MX1: variants seen among roughly 807,000 people sequenced by gnomAD.
MX1 encodes the protein MX dynamin like GTPase 1, also known as interferon-induced GTP-binding protein Mx1.
In MX1, 66 loss-of-function variants were observed where a neutral mutation model predicts 66.4. The observed-to-expected ratio is 0.99, with a 90% confidence interval of 0.82 to 1.22. The LOEUF (loss-of-function observed/expected upper bound fraction) is 1.22, where lower values mean the gene tolerates loss of function less well. Ranked by LOEUF, MX1 falls within the 50% of genes most tolerant of loss-of-function variation. MX1 has a pLI of 0.00. For missense variants in MX1, 787 were observed against 834.3 expected, an observed-to-expected ratio of 0.94 and a Z score of 0.70; for synonymous variants, 311 against 318.1, an observed-to-expected ratio of 0.98 and a Z score of 0.24.
At chr21:41,437,787 C>G (rs890101755) in intron 7 of MX1, among the ~76,000 whole-genome samples, 1 of 152,198 alleles carries the variant, frequency 6.6e-6, no homozygotes, top group Non-Finnish European at 1.5e-5. Flanking sequence ...TGAGGGAGCT[C>G]CTCCCCCTGT....
rs114687668 is a variant in MX1, at chr21:41,432,328, C to T, written c.105+153C>T. 4.5e-3 allele frequency among the ~76,000 whole-genome samples: 680 copies of T among 152,364 alleles called. 6 individuals are homozygous for T. Among genetic ancestry groups the T allele is most frequent in the African/African-American group, 0.015 (644 of 41,592 alleles). ...CAGATCCTGACCCTCTACTTGCCAG[C>T]TGACAACCATGTATAGACTCGTTGC... On this transcript the variant is annotated intron_variant, in intron 5 of 16. Transcript: ENST00000398598.
intron 6 of MX1, among the ~76,000 whole-genome samples, chr21:41,436,511 T>C (rs2090367328): frequency 6.6e-6 from 1 of 152,216 alleles, no homozygotes; most frequent in Admixed American, 6.5e-5. Flanking sequence ...AGTTCAGAAC[T>C]ATATCAGTGA....
chr21:41,454,770 C>A (rs138732578), intron 16 of MX1, among the ~76,000 whole-genome samples: 1 of 152,302 alleles, frequency 6.6e-6, no homozygotes, highest in African/African-American at 2.4e-5. Flanking sequence ...CTCGGTTTAT[C>A]AGATGTCCCC....
chr21:41,432,240 T>C, intron 5 of MX1, 65 bp downstream of exon 5: 2 of 1,454,212 alleles, frequency 1.4e-6, no homozygotes, highest in Non-Finnish European at 1.9e-6. Flanking sequence ...GGCTGCCCTT[T>C]TCTACAGCGG....
intron 12 of MX1, 89 bp from the exon 13 acceptor site, chr21:41,445,911 C>A: frequency 2.0e-6 from 3 of 1,515,136 alleles, no homozygotes; most frequent in Non-Finnish European, 1.8e-6. Flanking sequence ...GAATGACTCC[C>A]CACCCTCCAC....
At chr21:41,456,502 CATT>C (rs1438139410) in intron 16 of MX1, among the ~76,000 whole-genome samples, 10 of 152,148 alleles carry the variant, frequency 6.6e-5, no homozygotes, top group African/African-American at 7.2e-5. Context: ...CCATCCACAT[CATT>C]GAGAATGGTC....
At chr21:41,423,126 A>C (rs2090009782), upstream of MX1, 5 of 153,532 alleles carry the variant, frequency 3.3e-5, no homozygotes, top group Non-Finnish European at 7.2e-5. Flanking sequence ...ACATGCGGGA[A>C]CAATGGCGAG....
chr21:41,437,184 G>A (rs1417391752), intron 7 of MX1, 32 bp downstream of exon 7: 1 of 1,612,712 alleles, frequency 6.2e-7, no homozygotes, highest in African/African-American at 1.3e-5. Flanking sequence ...GCCTGGTCAA[G>A]CCTTCTGACA....
intron 16 of MX1, among the ~76,000 whole-genome samples, chr21:41,454,226 T>A (rs370504579): frequency 2.0e-5 from 3 of 152,236 alleles, no homozygotes; most frequent in Non-Finnish European, 4.4e-5. Flanking sequence ...CAATCTGTCT[T>A]GTGATGCTAT....
At chr21:41,433,407 C>T (rs929891206) in intron 5 of MX1, among the ~76,000 whole-genome samples, 3 of 152,170 alleles carry the variant, frequency 2.0e-5, no homozygotes, top group African/African-American at 2.4e-5. Context: ...ACCCTGTCTA[C>T]GTGCCTGTCA....
chr21:41,422,635 A>G (rs1471470271), upstream of MX1: 1 of 152,166 alleles, frequency 6.6e-6, no homozygotes, highest in Non-Finnish European at 1.5e-5. Flanking sequence ...AAGAGTGTGA[A>G]ACTTATCTGG....
In MX1 at chr21:41,458,964, A is replaced by C; in HGVS notation, c.*206A>C. On this transcript the variant is annotated 3_prime_UTR_variant, in exon 17 of 17. Coordinates refer to ENST00000398598, the MANE Select transcript of MX1 (RefSeq NM_002462.5). ...AGAGCCCCACCCTCAGATGCACATG[A>C]GCTGGCGGGATTGAAGGATGCTGTC... 1.1e-6 allele frequency: 1 copy of C among 870,120 alleles called. No individual in the cohort carries two copies. Among genetic ancestry groups the C allele is most frequent in the Non-Finnish European group, 1.7e-6 (1 of 588,650 alleles). The allele number at this position is 870,120 out of a possible 1,614,324, so 53.9% of individuals were successfully genotyped here. A position where few individuals can be genotyped will look rare whatever the true frequency, so the allele number is the denominator to read the frequency against.
Position 41,443,856 on chromosome 21 carries a change from C to T in MX1, c.998C>T (p.Thr333Ile). Residue 333 changes from threonine (T) to isoleucine (I), a missense_variant, in exon 11 of 17, where the codon ACA (threonine) becomes ATA (isoleucine). Physicochemically the swap from Thr to Ile is moderately conservative, Grantham distance 89. Transcript: ENST00000398598. ...GAAAAACTTACCAGCGAGCTCATCA[C>T]ACATATCTGTGTAAGCACGGGCAGA... The part of the protein sequence containing the change: ...LAEKLTSELI[T>I]HICKSLPLLE... 6.2e-7 allele frequency: 1 copy of T among 1,614,236 alleles called. No individual in the cohort carries two copies. The highest frequency in any genetic ancestry group is 2.2e-5 in the East Asian group (1 of 44,894).
At position 41,458,971 on chromosome 21, in the gene MX1, G is replaced by A. The variant is rs891019536; in HGVS notation, c.*213G>A. On this transcript the variant is annotated 3_prime_UTR_variant, in exon 17 of 17. Transcript: ENST00000398598. Reference sequence around the variant, plus strand: ...CACCCTCAGATGCACATGAGCTGGCGGGATTGAAGGATGCTGTCTTCGTAC... The same window carrying A: ...CACCCTCAGATGCACATGAGCTGGCAGGATTGAAGGATGCTGTCTTCGTAC... 18 of 818,176 alleles carry A rather than the reference G, an allele frequency of 2.2e-5. No homozygotes were observed. The highest frequency in any genetic ancestry group is 1.2e-4 in the South Asian group (6 of 50,048). 50.7% of individuals were successfully genotyped at this position (818,176 alleles called of 1,614,324 possible).
Position 41,441,825 on chromosome 21 carries a change from C to T in MX1, c.840C>T (p.Cys280=). ...HLKKGYMIVK[C]RGQQEIQDQL... ...AGAAGGGTTACATGATTGTCAAGTG[C>T]CGGGGCCAGCAGGAGATCCAGGACC... Residue 280 remains cysteine, a synonymous_variant, in exon 10 of 17, where the codon TGC becomes TGT. Coordinates refer to ENST00000398598, the MANE Select transcript of MX1 (RefSeq NM_002462.5). This position sits in a 1 kb window ranked among gnomAD's most constrained non-coding sequence, Gnocchi z 4.0. 1.2e-6 allele frequency: 2 copies of T among 1,614,152 alleles called. No homozygotes were observed. Among genetic ancestry groups the T allele is most frequent in the Non-Finnish European group, 8.5e-7 (1 of 1,180,030 alleles).
At chr21:41,436,273 G>A (rs468473) in intron 6 of MX1, among the ~76,000 whole-genome samples, 54,447 of 152,000 alleles carry the variant, frequency 0.36, 11,944 homozygotes, top group Non-Finnish European at 0.51. Context: ...TCTTCATAAG[G>A]GCACCAGTCA....
chr21:41,441,475 G>C lies in MX1; in HGVS notation c.731-241G>C, dbSNP rs923767232. 5.3e-6 allele frequency: 3 copies of C among 570,742 alleles called. No individual in the cohort carries two copies. Among genetic ancestry groups the C allele is most frequent in the Middle Eastern group, 9.4e-4 (2 of 2,124 alleles). The allele number at this position is 570,742 out of a possible 1,614,324, so 35.4% of individuals were successfully genotyped here. ...CGTGGCGTGTTCTACAGTGGACCCGGGTGAAGGAGCTTGGGGAGAGCCACA... is the reference window on the plus strand; with the variant it reads ...CGTGGCGTGTTCTACAGTGGACCCGCGTGAAGGAGCTTGGGGAGAGCCACA... On this transcript the variant is annotated intron_variant, in intron 9 of 16. Transcript: ENST00000398598. This position sits in a 1 kb window ranked among gnomAD's most constrained non-coding sequence, Gnocchi z 4.0.
Position 41,451,069 on chromosome 21 carries a change from A to G in MX1, c.1433-98A>G, listed in dbSNP as rs987800883. The stretch of plus-strand genomic sequence containing the variant: ...GAAGAAGGGAGCGGGGAGAGGGGAA[A>G]CTTTACTTCATACCATTTGATCCTC... On this transcript the variant is annotated intron_variant, in intron 14 of 16. Coordinates refer to ENST00000398598, the MANE Select transcript of MX1 (RefSeq NM_002462.5). 9 of 790,554 alleles carry G rather than the reference A, an allele frequency of 1.1e-5. No individual in the cohort carries two copies. In the African/African-American group the frequency reaches 1.4e-4, roughly 12 times the overall value. 49.0% of individuals were successfully genotyped at this position (790,554 alleles called of 1,614,324 possible).
rs2090864107 is a variant in MX1 at position 41,452,703 on chromosome 21, T to C, written c.1592T>C (p.Val531Ala). The C allele has an allele frequency of 1.2e-6, 2 of 1,614,074 alleles. No homozygotes were observed. The highest frequency in any genetic ancestry group is 1.3e-5 in the African/African-American group (1 of 74,920). ...CTCCACTTCCAGATGGAACAGATTGTCTACTGCCAGGACCAGGTATACAGG... is the reference window on the plus strand; with the variant it reads ...CTCCACTTCCAGATGGAACAGATTGCCTACTGCCAGGACCAGGTATACAGG... ...IRLHFQMEQIVYCQDQVYRGA... is the reference protein window; with the variant it reads ...IRLHFQMEQIAYCQDQVYRGA... Residue 531 changes from valine to alanine, a missense_variant, in exon 16 of 17, where the codon GTC (valine) becomes GCC (alanine). Transcript: ENST00000398598.
Sources: gnomAD v4.1 joint callset for allele counts (sites outside exome capture counted in the v4.1 genomes callset) on GRCh38, gnomAD v4.1.1 for gene constraint, Gnocchi (gnomAD v3.1) non-coding constraint, MANE v1.5 for transcripts, NCBI Gene and HGNC (gene_info 2026-07-23, HGNC 2026-07-21) for gene names.